Variants in CPEB1 observed in about 807,000 individuals in gnomAD.
CPEB1 encodes cytoplasmic polyadenylation element binding protein 1.
Under a neutral mutation model 65.8 loss-of-function variants are expected in CPEB1, and 7 were observed. That is an observed-to-expected ratio of 0.11 (90% confidence interval 0.06 to 0.20). The LOEUF is 0.20. Ranked by LOEUF, CPEB1 falls within the 10% of genes least tolerant of loss-of-function variation. The probability of loss-of-function intolerance (pLI) is 1.00; values close to 1 mark genes in which losing one functional copy is unlikely to be tolerated. For synonymous variants in CPEB1, 262 were observed against 260.0 expected (o/e 1.01, Z -0.08); for missense variants, 551 against 712.2 (o/e 0.77, Z 2.58).
intron 4 of CPEB1, among the ~76,000 whole-genome samples, chr15:82,561,777 T>G (rs1168027572): frequency 6.6e-6 from 1 of 152,212 alleles, no homozygotes; most frequent in Non-Finnish European, 1.5e-5. Context: ...CAAATTCCTG[T>G]ACAAAGCTAG....
chr15:82,550,129 G>T (rs1237107184), intron 9 of CPEB1, among the ~76,000 whole-genome samples: 1 of 152,150 alleles, frequency 6.6e-6, no homozygotes, highest in African/African-American at 2.4e-5. Context: ...ATGGTTACTG[G>T]CCCAACCTAG....
upstream of CPEB1, chr15:82,648,158 G>T (rs2047736610): frequency 2.9e-6 from 1 of 339,724 alleles, no homozygotes; most frequent in South Asian, 1.5e-4. Flanking sequence ...GGGGACTGCC[G>T]CCGCTGCTAG....
chr15:82,600,941 A>G (rs1487037463), intron 3 of CPEB1, among the ~76,000 whole-genome samples: 1 of 89,832 alleles, frequency 1.1e-5, no homozygotes, highest in South Asian at 3.4e-4. Context: ...GTTTTGCTCT[A>G]TTGCCCAGGC....
chr15:82,600,588 G>A (rs1404458923), intron 3 of CPEB1, among the ~76,000 whole-genome samples: 1 of 152,146 alleles, frequency 6.6e-6, no homozygotes, highest in African/African-American at 2.4e-5. Flanking sequence ...GTGGGGACAG[G>A]ATAACAAGTT....
At position 82,611,107 on chromosome 15, in the gene CPEB1, T is replaced by C. The variant is rs902527714; in HGVS notation, c.271+16086A>G. Among the ~76,000 whole-genome samples, 7 of 151,266 alleles carry C rather than the reference T, an allele frequency of 4.6e-5. No individual in the cohort carries two copies. The East Asian group carries it at 1.2e-3, about 25-fold the overall frequency. On this transcript the variant is annotated intron_variant, in intron 3 of 12. Coordinates refer to ENST00000684509, the MANE Select transcript of CPEB1 (RefSeq NM_001365242.1). ...TCTTCACTTCTATTCAAAACTGTACTGAAGATTTTAGCCAGCACAATTAGG... is the reference window on the plus strand; with the variant it reads ...TCTTCACTTCTATTCAAAACTGTACCGAAGATTTTAGCCAGCACAATTAGG...
At chr15:82,608,995 T>C (rs1374017845) in intron 3 of CPEB1, among the ~76,000 whole-genome samples, 1 of 152,176 alleles carries the variant, frequency 6.6e-6, no homozygotes, top group Non-Finnish European at 1.5e-5. Flanking sequence ...CAAAGTACAT[T>C]CTGCAACCAC....
chr15:82,646,768 T>C (rs1243375698), intron 1 of CPEB1, among the ~76,000 whole-genome samples: 1 of 152,016 alleles, frequency 6.6e-6, no homozygotes, highest in Non-Finnish European at 1.5e-5. Context: ...GAGGAACCCA[T>C]GACATGAAAA....
chr15:82,587,654 G>T lies in CPEB1; in HGVS notation c.272-16122C>A, dbSNP rs536057649. On this transcript the variant is annotated intron_variant, in intron 3 of 12. Coordinates refer to ENST00000684509, the MANE Select transcript of CPEB1 (RefSeq NM_001365242.1). ...AATTTTCAAATTGTTTATAGCAAAT[G>T]TAAACTACTCAAAAAAATTCAGATA... 4.5e-4 allele frequency among the ~76,000 whole-genome samples: 69 copies of T among 152,244 alleles called. 1 individual carries two copies. The South Asian group carries it at 0.014, about 31-fold the overall frequency.
At chr15:82,598,261 AGGTGGGTGGATCACCT>A (rs2042817543) in intron 3 of CPEB1, among the ~76,000 whole-genome samples, 1 of 151,764 alleles carries the variant, frequency 6.6e-6, no homozygotes, top group Non-Finnish European at 1.5e-5. Flanking sequence ...GGATCACCTG[AGGTGGGTGGATCACCT>A]GAGGTCAGGA....
At chr15:82,557,531 T>C (rs1452586635) in intron 5 of CPEB1, 3 of 470,374 alleles carry the variant, frequency 6.4e-6, no homozygotes, top group Non-Finnish European at 1.1e-5. Flanking sequence ...ATGAGAGTCC[T>C]GAGCTCAGGT....
At chr15:82,560,262 T>C (rs2037967231) in intron 4 of CPEB1, among the ~76,000 whole-genome samples, 1 of 152,194 alleles carries the variant, frequency 6.6e-6, no homozygotes, top group Non-Finnish European at 1.5e-5. Context: ...GTCTTAAAAG[T>C]GGTACCAATG....
Position 82,634,557 on chromosome 15 carries a change from A to AC in CPEB1, c.-97-6002_-97-6001insG, listed in dbSNP as rs1348560571. Among the ~76,000 whole-genome samples the AC allele has an allele frequency of 1.6e-3, 245 of 152,334 alleles. 1 individual carries two copies. Among genetic ancestry groups the AC allele is most frequent in the African/African-American group, 5.7e-3 (235 of 41,568 alleles). On this transcript the variant is annotated intron_variant, in intron 1 of 12. Transcript: ENST00000684509. ...TACTATTAATCATGTACAATGGATT[A>AC]ATAGCCAGTTGAGAAATTTATAGAA...
intron 3 of CPEB1, among the ~76,000 whole-genome samples, chr15:82,591,867 G>A (rs960364006): frequency 8.1e-5 from 12 of 147,442 alleles, no homozygotes; most frequent in East Asian, 7.9e-4. Context: ...TTTTAAGACA[G>A]GGTCTTAATC....
chr15:82,545,255 C>T (rs557944326), intron 12 of CPEB1, among the ~76,000 whole-genome samples: 1 of 152,120 alleles, frequency 6.6e-6, no homozygotes, highest in Non-Finnish European at 1.5e-5. Context: ...ATAAAAGCCT[C>T]GTAGATGAGG....
At chr15:82,594,379 G>GAAAAT (rs2042512843) in intron 3 of CPEB1, among the ~76,000 whole-genome samples, 1 of 151,830 alleles carries the variant, frequency 6.6e-6, no homozygotes, top group Non-Finnish European at 1.5e-5. Flanking sequence ...GAAAAGAAAA[G>GAAAAT]AAAAGAAAAA....
At chr15:82,553,356 C>A in intron 8 of CPEB1, 111 bp downstream of exon 8, 1 of 767,086 alleles carries the variant, frequency 1.3e-6, no homozygotes, top group Non-Finnish European at 2.3e-6. Context: ...GGAGTGCCCA[C>A]CATGTTACCA....
intron 12 of CPEB1, among the ~76,000 whole-genome samples, chr15:82,544,980 A>G (rs2034906530): frequency 6.6e-6 from 1 of 152,168 alleles, no homozygotes; most frequent in African/African-American, 2.4e-5. Flanking sequence ...CCCTCTAACC[A>G]TGACAGCTGC....
Position 82,553,471 on chromosome 15 carries a change from G to C in CPEB1, c.1140C>G (p.Pro380=). ...TATTACCTTTAGGCATATTACCTTTGGGAGGACACCGGGGATGCTTGCCAT... is the reference window on the plus strand; with the variant it reads ...TATTACCTTTAGGCATATTACCTTTCGGAGGACACCGGGGATGCTTGCCAT... The part of the protein sequence containing the change: ...GKDGKHPRCP[P]KGYVYLVFEL... Residue 380 remains proline (P), a synonymous_variant, in exon 8 of 13, where the codon CCC becomes CCG. Transcript: ENST00000684509. The C allele has an allele frequency of 6.2e-7, 1 of 1,612,768 alleles. No homozygotes were observed. The highest frequency in any genetic ancestry group is 8.5e-7 in the Non-Finnish European group (1 of 1,178,912).
At chr15:82,592,801 C>T (rs2042364469) in intron 3 of CPEB1, among the ~76,000 whole-genome samples, 1 of 151,938 alleles carries the variant, frequency 6.6e-6, no homozygotes, top group South Asian at 2.1e-4. Flanking sequence ...TCGAGACCAT[C>T]CGGGCTAACA....
Sources: gnomAD v4.1 joint callset for allele counts (sites outside exome capture counted in the v4.1 genomes callset) on GRCh38, gnomAD v4.1.1 for gene constraint, MANE v1.5 for transcripts, NCBI Gene and HGNC (gene_info 2026-07-23, HGNC 2026-07-21) for gene names.